CDH13: variants seen among roughly 807,000 people sequenced by gnomAD.
CDH13 encodes cadherin-13.
CDH13 carries 24 observed loss-of-function variants against 63.8 expected under a neutral mutation model. The observed-to-expected ratio is 0.38, with a 90% confidence interval of 0.27 to 0.53. The LOEUF (loss-of-function observed/expected upper bound fraction) is 0.53, where lower values mean the gene tolerates loss of function less well. CDH13 is among the 20% of genes least tolerant of loss of function. The pLI is 0.85. For synonymous variants in CDH13, 503 were observed against 355.3 expected (o/e 1.42, Z -4.67); for missense variants, 1,049 against 903.1 (o/e 1.16, Z -2.07).
chr16:83,559,354 C>A (rs2075658284), intron 7 of CDH13, among the ~76,000 whole-genome samples: 1 of 152,056 alleles, frequency 6.6e-6, no homozygotes, highest in Non-Finnish European at 1.5e-5. Context: ...GGTGGATCAC[C>A]TGAGGTTGTG....
At chr16:83,111,799 G>C (rs1408390554) in intron 3 of CDH13, among the ~76,000 whole-genome samples, 5 of 152,144 alleles carry the variant, frequency 3.3e-5, no homozygotes, top group Non-Finnish European at 7.4e-5. Flanking sequence ...CTATTTCATA[G>C]TTTCATCATT....
intron 2 of CDH13, among the ~76,000 whole-genome samples, chr16:82,930,473 C>T (rs375985506): frequency 4.0e-5 from 6 of 151,804 alleles, no homozygotes; most frequent in African/African-American, 1.5e-4. Context: ...TTAACTTTTT[C>T]TTGAAGTAAC....
intron 6 of CDH13, among the ~76,000 whole-genome samples, chr16:83,382,492 G>C (rs2091588132): frequency 6.6e-6 from 1 of 152,064 alleles, no homozygotes; most frequent in South Asian, 2.1e-4. Flanking sequence ...CCCTATGTAT[G>C]TATCTATGTG....
At chr16:83,712,218 C>T (rs1280609575) in intron 10 of CDH13, among the ~76,000 whole-genome samples, 1 of 152,264 alleles carries the variant, frequency 6.6e-6, no homozygotes, top group Admixed American at 6.5e-5. Flanking sequence ...AGAACAGGCA[C>T]CACTAAAATT....
intron 6 of CDH13, among the ~76,000 whole-genome samples, chr16:83,462,591 A>C (rs955903288): frequency 6.6e-6 from 1 of 152,182 alleles, no homozygotes; most frequent in Admixed American, 6.5e-5. Flanking sequence ...TCTCTATTAA[A>C]AATACAAAAA....
At chr16:83,373,811 G>C (rs1445194979) in intron 6 of CDH13, among the ~76,000 whole-genome samples, 1 of 152,170 alleles carries the variant, frequency 6.6e-6, no homozygotes, top group Admixed American at 6.5e-5. Context: ...CTAGACCTGA[G>C]GAATGAAGGA....
chr16:82,813,585 C>T (rs546200073), intron 1 of CDH13, among the ~76,000 whole-genome samples: 17 of 152,218 alleles, frequency 1.1e-4, no homozygotes, highest in African/African-American at 2.9e-4. Context: ...AGTGTCTTCC[C>T]GGAGGCTGCT....
chr16:83,209,097 A>T (rs1271608886), intron 4 of CDH13, among the ~76,000 whole-genome samples: 1 of 152,164 alleles, frequency 6.6e-6, no homozygotes, highest in African/African-American at 2.4e-5. Flanking sequence ...CAGCGATGAG[A>T]CGAGGGGTTT....
At chr16:83,590,603 A>T (rs1906642000) in intron 7 of CDH13, among the ~76,000 whole-genome samples, 1 of 151,498 alleles carries the variant, frequency 6.6e-6, no homozygotes, top group Admixed American at 6.6e-5. Context: ...AAATGGACGT[A>T]AAAAAAAAGA....
At chr16:82,852,348 G>T (rs1195053321) in intron 1 of CDH13, among the ~76,000 whole-genome samples, 1 of 152,190 alleles carries the variant, frequency 6.6e-6, no homozygotes, top group Non-Finnish European at 1.5e-5. Flanking sequence ...CCGTGGATGT[G>T]TCTTGTGGGG....
At chr16:83,217,881 G>A (rs752575133) in intron 5 of CDH13, among the ~76,000 whole-genome samples, 2 of 152,156 alleles carry the variant, frequency 1.3e-5, no homozygotes, top group Non-Finnish European at 2.9e-5. Flanking sequence ...TCCTTAGGGT[G>A]AAAACAGTTG....
intron 4 of CDH13, among the ~76,000 whole-genome samples, chr16:83,137,080 C>T (rs186600497): frequency 6.6e-6 from 1 of 152,278 alleles, no homozygotes; most frequent in African/African-American, 2.4e-5. Flanking sequence ...GCACATGGGT[C>T]CCAGGGGAGC....
intron 3 of CDH13, among the ~76,000 whole-genome samples, chr16:83,065,970 C>T (rs1363009227): frequency 6.6e-6 from 1 of 152,146 alleles, no homozygotes; most frequent in African/African-American, 2.4e-5. Context: ...TGGATGCAGT[C>T]CAGGTATAAA....
At chr16:82,937,773 A>G (rs1350075895) in intron 2 of CDH13, among the ~76,000 whole-genome samples, 1 of 152,234 alleles carries the variant, frequency 6.6e-6, no homozygotes, top group Admixed American at 6.5e-5. Flanking sequence ...AACCTATTTT[A>G]TAGCAGAGCT....
chr16:82,908,204 C>G (rs560720752), intron 2 of CDH13, among the ~76,000 whole-genome samples: 5 of 152,220 alleles, frequency 3.3e-5, no homozygotes, highest in African/African-American at 1.2e-4. Context: ...CCTTGACATT[C>G]CACAGGATAT....
chr16:83,765,751 T>G (rs1397797689), intron 11 of CDH13, among the ~76,000 whole-genome samples: 1 of 151,918 alleles, frequency 6.6e-6, no homozygotes, highest in East Asian at 1.9e-4. Flanking sequence ...AAGGATAACC[T>G]TAGAAGACTC....
At chr16:83,359,822 C>T (rs1261866580) in intron 6 of CDH13, among the ~76,000 whole-genome samples, 4 of 152,138 alleles carry the variant, frequency 2.6e-5, no homozygotes, top group African/African-American at 9.7e-5. Context: ...ACCAATTCAT[C>T]CATACAAAAT....
intron 4 of CDH13, among the ~76,000 whole-genome samples, chr16:83,194,320 C>T (rs752005605): frequency 6.6e-6 from 1 of 152,204 alleles, no homozygotes; most frequent in African/African-American, 2.4e-5. Context: ...ATCACGCTTG[C>T]TGTTAGCAGC....
At chr16:82,987,314 A>G (rs561776227) in intron 2 of CDH13, among the ~76,000 whole-genome samples, 3 of 152,250 alleles carry the variant, frequency 2.0e-5, no homozygotes, top group Admixed American at 2.0e-4. Context: ...AGATCTTATG[A>G]TATGCTGCCT....
Sources: gnomAD v4.1 joint callset for allele counts (sites outside exome capture counted in the v4.1 genomes callset) on GRCh38, gnomAD v4.1.1 for gene constraint, MANE v1.5 for transcripts, NCBI Gene and HGNC (gene_info 2026-07-23, HGNC 2026-07-21) for gene names.